The following SPAG16 variants were observed in gnomAD, a reference collection of about 807,000 sequenced individuals.
The protein encoded by SPAG16 is sperm-associated antigen 16 protein.
SPAG16 carries 86 observed loss-of-function variants against 80.4 expected under a neutral mutation model. The observed-to-expected ratio is 1.07, with a 90% CI of 0.90 to 1.28. The LOEUF (loss-of-function observed/expected upper bound fraction) is 1.28. SPAG16 is among the 50% of genes most tolerant of loss of function. The probability of loss-of-function intolerance (pLI) is 0.00; values close to 1 mark genes in which losing one functional copy is unlikely to be tolerated. For missense variants in SPAG16, 870 were observed against 765.3 expected, an observed-to-expected ratio of 1.14 and a Z score of -1.61; for synonymous variants, 294 against 265.9, an observed-to-expected ratio of 1.11 and a Z score of -1.03.
At chr2:213,817,822 G>A (rs2072655043) in intron 10 of SPAG16, among the ~76,000 whole-genome samples, 2 of 152,090 alleles carry the variant, frequency 1.3e-5, no homozygotes, top group African/African-American at 4.8e-5. Flanking sequence ...ACTAGAGATG[G>A]GAAAGAGGGA....
intron 11 of SPAG16, among the ~76,000 whole-genome samples, chr2:213,892,695 CA>C (rs776645955): frequency 2.6e-5 from 4 of 152,114 alleles, no homozygotes; most frequent in Non-Finnish European, 2.9e-5. Flanking sequence ...CTCTCGATAG[CA>C]GAATGACCAC....
intron 15 of SPAG16, among the ~76,000 whole-genome samples, chr2:214,287,051 A>G (rs1693418826): frequency 6.6e-6 from 1 of 152,214 alleles, no homozygotes; most frequent in Non-Finnish European, 1.5e-5. Context: ...TTACATATTT[A>G]TTTTGGTATA....
chr2:214,217,996 G>A lies in SPAG16; in HGVS notation c.1720+68730G>A, dbSNP rs1344137720. Among the ~76,000 whole-genome samples the A allele has an allele frequency of 3.3e-5, 5 of 151,916 alleles. No homozygotes were observed. The East Asian group carries it at 9.6e-4, about 29-fold the overall frequency. On this transcript the variant is annotated intron_variant, in intron 15 of 15. Coordinates refer to ENST00000331683, the MANE Select transcript of SPAG16 (RefSeq NM_024532.5). ...ATCTTTTGACACTGACTATATTTTA[G>A]GTTAATGCATATTTTTTTTCAATAT... is the stretch of plus-strand genomic sequence containing the variant.
At chr2:214,014,122 A>G (rs1241179772) in intron 13 of SPAG16, 45 bp downstream of exon 13, 4 of 1,604,302 alleles carry the variant, frequency 2.5e-6, no homozygotes, top group Non-Finnish European at 3.4e-6. Flanking sequence ...GATAAGTCTG[A>G]TTACTCTCGG....
intron 10 of SPAG16, among the ~76,000 whole-genome samples, chr2:213,713,384 G>C (rs1387994103): frequency 6.6e-6 from 1 of 152,152 alleles, no homozygotes; most frequent in Admixed American, 6.5e-5. Context: ...TCCTGCTGAA[G>C]GGATGTAGTA....
intron 10 of SPAG16, among the ~76,000 whole-genome samples, chr2:213,635,774 T>C (rs1197183115): frequency 6.6e-6 from 1 of 152,190 alleles, no homozygotes; most frequent in African/African-American, 2.4e-5. Context: ...TTTATATTCA[T>C]GTCCTTTCCC....
chr2:214,398,131 CAG>C (rs1163243085), intron 15 of SPAG16, among the ~76,000 whole-genome samples: 1 of 152,128 alleles, frequency 6.6e-6, no homozygotes, highest in Admixed American at 6.5e-5. Flanking sequence ...ACCAAGTGGA[CAG>C]AGTCTGCCTC....
intron 10 of SPAG16, among the ~76,000 whole-genome samples, chr2:213,647,123 G>A (rs1230036129): frequency 6.6e-6 from 1 of 152,176 alleles, no homozygotes; most frequent in Non-Finnish European, 1.5e-5. Flanking sequence ...AGGAAATGAG[G>A]TGAAGGAAGA....
intron 10 of SPAG16, among the ~76,000 whole-genome samples, chr2:213,807,429 C>T (rs533679610): frequency 6.6e-6 from 1 of 152,092 alleles, no homozygotes; most frequent in African/African-American, 2.4e-5. Flanking sequence ...AAGTGCCTAT[C>T]CCAGCCCACT....
At chr2:213,801,786 G>T (rs942000946) in intron 10 of SPAG16, among the ~76,000 whole-genome samples, 9 of 152,126 alleles carry the variant, frequency 5.9e-5, no homozygotes, top group Admixed American at 5.9e-4. Flanking sequence ...ATATGAGAAG[G>T]GATGAAAGTA....
intron 10 of SPAG16, among the ~76,000 whole-genome samples, chr2:213,713,014 C>T (rs556479429): frequency 1.4e-4 from 21 of 152,076 alleles, no homozygotes; most frequent in Non-Finnish European, 2.1e-4. Flanking sequence ...TGGCAGAAGG[C>T]ATCTCTTCAC....
intron 5 of SPAG16, among the ~76,000 whole-genome samples, chr2:213,320,866 G>A (rs1453778082): frequency 6.6e-6 from 1 of 151,964 alleles, no homozygotes; most frequent in African/African-American, 2.4e-5. Flanking sequence ...TGTGAATAGT[G>A]CTGCAATTAA....
chr2:213,518,713 C>T (rs2075541447), intron 10 of SPAG16, among the ~76,000 whole-genome samples: 1 of 152,194 alleles, frequency 6.6e-6, no homozygotes, highest in African/African-American at 2.4e-5. Flanking sequence ...TATCATTTAA[C>T]CCAACAATCC....
At chr2:213,892,120 G>A (rs1282425134) in intron 11 of SPAG16, among the ~76,000 whole-genome samples, 2 of 152,044 alleles carry the variant, frequency 1.3e-5, no homozygotes, top group African/African-American at 2.4e-5. Flanking sequence ...AGCACCACAC[G>A]AAAGGAGGTT....
intron 15 of SPAG16, among the ~76,000 whole-genome samples, chr2:214,197,041 A>G (rs532512336): frequency 8.6e-4 from 131 of 152,130 alleles, no homozygotes; most frequent in Non-Finnish European, 1.2e-3. Context: ...TGGCCCTGGG[A>G]TATTCAGTTA....
intron 10 of SPAG16, among the ~76,000 whole-genome samples, chr2:213,637,268 A>G (rs1467791558): frequency 2.0e-5 from 3 of 152,190 alleles, no homozygotes; most frequent in African/African-American, 7.2e-5. Context: ...ATTGACTTGC[A>G]TATTTTGAAC....
chr2:213,657,217 T>A (rs761432215), intron 10 of SPAG16, among the ~76,000 whole-genome samples: 51 of 152,302 alleles, frequency 3.3e-4, no homozygotes, highest in Non-Finnish European at 5.6e-4. Flanking sequence ...AAGTGATAAG[T>A]GCATCAATGA....
chr2:214,297,913 G>A (rs1056394216), intron 15 of SPAG16, among the ~76,000 whole-genome samples: 4 of 149,688 alleles, frequency 2.7e-5, no homozygotes, highest in African/African-American at 9.8e-5. Context: ...AAATTGCATT[G>A]ATACTGTAGA....
At chr2:214,350,475 C>G (rs1214232628) in intron 15 of SPAG16, among the ~76,000 whole-genome samples, 1 of 152,170 alleles carries the variant, frequency 6.6e-6, no homozygotes, top group African/African-American at 2.4e-5. Flanking sequence ...AAAGAACCAT[C>G]TTGAGTAGAT....
Sources: gnomAD v4.1 joint callset for allele counts (sites outside exome capture counted in the v4.1 genomes callset) on GRCh38, gnomAD v4.1.1 for gene constraint, MANE v1.5 for transcripts, NCBI Gene and HGNC (gene_info 2026-07-23, HGNC 2026-07-21) for gene names.